Variants in PIK3R1 observed in about 807,000 individuals in gnomAD.
PIK3R1 encodes the protein phosphatidylinositol 3-kinase regulatory subunit alpha.
PIK3R1 carries 29 observed loss-of-function variants against 98.0 expected under a neutral mutation model. The ratio of observed to expected loss-of-function variants is 0.30; its 90% CI spans 0.22 to 0.40. The LOEUF (loss-of-function observed/expected upper bound fraction) is 0.40. Among genes scored for constraint, PIK3R1 ranks in the 10% least tolerant of loss-of-function variants. PIK3R1 has a pLI of 1.00. For synonymous variants in PIK3R1, 282 were observed against 311.8 expected, an observed-to-expected ratio of 0.90 and a Z score of 1.01; for missense variants, 596 against 872.7, an observed-to-expected ratio of 0.68 and a Z score of 3.99.
chr5:68,262,990 TAG>T (rs1314004683), intron 2 of PIK3R1, among the ~76,000 whole-genome samples: 26 of 59,738 alleles, frequency 4.4e-4, no homozygotes, highest in African/African-American at 1.1e-3. Context: ...TAGATACATG[TAG>T]ATACATGTAT....
intron 2 of PIK3R1, among the ~76,000 whole-genome samples, chr5:68,271,359 C>T (rs932673786): frequency 6.6e-6 from 1 of 152,224 alleles, no homozygotes; most frequent in South Asian, 2.1e-4. Context: ...CTCAGGAAAT[C>T]GAGTGGTAAA....
At position 68,226,973 on chromosome 5, in the gene PIK3R1, G is replaced by C. The variant is rs780053686; in HGVS notation, c.298G>C (p.Gly100Arg). The change falls in exon 2 of 16, where the codon GGT becomes CGT. Residue 100 changes from glycine (G) to arginine (R), a missense_variant. Gly to Arg is a moderately radical substitution (Grantham distance 125). This residue lies in a region of PIK3R1 where 352 missense variants were observed against 393.3 expected (regional missense o/e 0.90). Transcript: ENST00000521381. Reference protein sequence around the residue: ...RPPRPLPVAPGSSKTEADVEQ... With the variant: ...RPPRPLPVAPRSSKTEADVEQ... Reference sequence around the variant, plus strand: ...ACCTCGGCCTCTTCCTGTTGCACCAGGTTCTTCGAAAACTGAAGCAGATGT... The same window carrying C: ...ACCTCGGCCTCTTCCTGTTGCACCACGTTCTTCGAAAACTGAAGCAGATGT... The C allele has an allele frequency of 3.1e-6, 5 of 1,613,072 alleles. No homozygotes were observed. The highest frequency in any genetic ancestry group is 3.3e-5 in the Admixed American group (2 of 59,776).
At chr5:68,284,435 A>G (rs1376034697) in intron 7 of PIK3R1, among the ~76,000 whole-genome samples, 1 of 152,194 alleles carries the variant, frequency 6.6e-6, no homozygotes, top group Admixed American at 6.5e-5. Context: ...TTGTATGAAT[A>G]TGTGGCTTGG....
At chr5:68,216,775 T>A (rs879703007) in intron 1 of PIK3R1, among the ~76,000 whole-genome samples, 2 of 152,224 alleles carry the variant, frequency 1.3e-5, no homozygotes, top group African/African-American at 2.4e-5. Flanking sequence ...ACCACAGCTC[T>A]AACCTAAGCT....
At chr5:68,265,211 T>G (rs1447741447) in intron 2 of PIK3R1, among the ~76,000 whole-genome samples, 1 of 117,198 alleles carries the variant, frequency 8.5e-6, no homozygotes, top group Non-Finnish European at 1.8e-5. Flanking sequence ...TACATTAAAG[T>G]TGGGGAACCA....
At chr5:68,217,201 C>G (rs1333949931) in intron 1 of PIK3R1, among the ~76,000 whole-genome samples, 2 of 152,086 alleles carry the variant, frequency 1.3e-5, no homozygotes, top group African/African-American at 4.8e-5. Context: ...TGATGAGGCT[C>G]AAGTTTTAGT....
intron 7 of PIK3R1, chr5:68,288,267 C>T: frequency 3.3e-6 from 1 of 300,902 alleles, no homozygotes; most frequent in African/African-American, 2.2e-5. Flanking sequence ...GCATTGGCCA[C>T]TTGTCAGCCG....
chr5:68,295,797 T>C, intron 14 of PIK3R1: 1 of 480,728 alleles, frequency 2.1e-6, no homozygotes, highest in South Asian at 2.6e-5. Context: ...ATGCTTAATA[T>C]ATTTTAAAGC....
At chr5:68,274,112 T>G in intron 4 of PIK3R1, 99 bp downstream of exon 4, 1 of 914,052 alleles carries the variant, frequency 1.1e-6, no homozygotes, top group Non-Finnish European at 1.8e-6. Flanking sequence ...ATCTATGCAG[T>G]GTTCTAAATT....
intron 1 of PIK3R1, among the ~76,000 whole-genome samples, chr5:68,225,761 G>A (rs1043313299): frequency 7.2e-5 from 11 of 152,168 alleles, no homozygotes; most frequent in Non-Finnish European, 1.5e-4. Context: ...AACTCAGCAT[G>A]GGCATGCGTG....
At chr5:68,283,962 G>A (rs1412564074) in intron 7 of PIK3R1, among the ~76,000 whole-genome samples, 2 of 152,170 alleles carry the variant, frequency 1.3e-5, no homozygotes, top group Non-Finnish European at 2.9e-5. Flanking sequence ...AGTAAACAAA[G>A]TCAGGGCAAT....
intron 8 of PIK3R1, 119 bp downstream of exon 8, chr5:68,292,480 T>C: frequency 6.8e-7 from 1 of 1,473,196 alleles, no homozygotes; most frequent in Non-Finnish European, 9.3e-7. Context: ...TAGTTGGTTC[T>C]CTTCCAAAGA....
At chr5:68,294,037 G>A (rs1293217402) in intron 11 of PIK3R1, among the ~76,000 whole-genome samples, 1 of 152,182 alleles carries the variant, frequency 6.6e-6, no homozygotes, top group African/African-American at 2.4e-5. Context: ...AATAAATTAA[G>A]TTCACGTGAT....
Position 68,280,559 on chromosome 5 carries a change from A to G in PIK3R1, c.666A>G (p.Leu222=). 1.2e-6 allele frequency: 2 copies of G among 1,610,674 alleles called. No homozygotes were observed. The highest frequency in any genetic ancestry group is 8.5e-7 in the Non-Finnish European group (1 of 1,178,108). The change falls in exon 6 of 16, where the codon CTA becomes CTG. Residue 222 remains leucine (L), a synonymous_variant. Transcript: ENST00000521381. ...AAAGCTCCGAAGAATATATTCAGCT[A>G]TTGAAGAAGCTTATTAGGTCGCCTA... ...EVQSSEEYIQ[L]LKKLIRSPSI...
rs70987200 is a variant in PIK3R1 at position 68,301,392 on chromosome 5, G to GTATATATATATATATATATATA, written c.*3811_*3832dup. On this transcript the variant is annotated 3_prime_UTR_variant, in exon 16 of 16. Transcript: ENST00000521381. ...TGTGTGTGTGTGTGTGTGTGTGTGT[G>GTATATATATATATATATATATA]TATATATATATATATATATATATAT... 2.2e-5 allele frequency: 1 copy of GTATATATATATATATATATATA among 45,306 alleles called. No homozygotes were observed. The highest frequency in any genetic ancestry group is 3.7e-5 in the Non-Finnish European group (1 of 27,064). 2.8% of individuals were successfully genotyped at this position (45,306 alleles called of 1,614,324 possible).
chr5:68,227,095 T>C, intron 2 of PIK3R1, 86 bp downstream of exon 2: 2 of 1,260,600 alleles, frequency 1.6e-6, no homozygotes, highest in Non-Finnish European at 2.2e-6. Flanking sequence ...GTCGTTATGT[T>C]CTGGGCAGAA....
At chr5:68,257,547 A>G (rs1472048507) in intron 2 of PIK3R1, among the ~76,000 whole-genome samples, 1 of 152,184 alleles carries the variant, frequency 6.6e-6, no homozygotes, top group African/African-American at 2.4e-5. Context: ...TGAATTTATT[A>G]TGTTCTGCTA....
chr5:68,283,265 C>T (rs935174284), intron 7 of PIK3R1, among the ~76,000 whole-genome samples: 5 of 152,162 alleles, frequency 3.3e-5, no homozygotes, highest in African/African-American at 1.2e-4. Context: ...TGTTATAGGG[C>T]AGATAGACAG....
At chr5:68,288,633 T>G (rs1747204107) in intron 7 of PIK3R1, 1 of 1,593,006 alleles carries the variant, frequency 6.3e-7, no homozygotes, top group African/African-American at 1.4e-5. Flanking sequence ...GGGAACAGGC[T>G]GGGGGGAGGT....
Sources: allele counts gnomAD v4.1 joint callset (sites outside exome capture counted in the v4.1 genomes callset), GRCh38; gene constraint gnomAD v4.1.1; regional missense constraint gnomAD v4.1.1; transcripts MANE v1.5; gene names NCBI Gene and HGNC (gene_info 2026-07-23, HGNC 2026-07-21).